CFAP54: variants seen among roughly 807,000 people sequenced by gnomAD.
CFAP54 encodes the protein cilia- and flagella-associated protein 54.
A neutral mutation model predicts 370.4 loss-of-function variants in CFAP54; 290 were observed. The ratio of observed to expected loss-of-function variants is 0.78; its 90% confidence interval spans 0.71 to 0.86. The LOEUF is 0.86. CFAP54 is among the 40% of genes least tolerant of loss of function. The pLI is 0.00. For synonymous variants in CFAP54, 1,206 were observed against 1,236.5 expected (o/e 0.98, Z 0.52); for missense variants, 3,399 against 3,528.7 (o/e 0.96, Z 0.93).
At chr12:96,867,222 T>G (rs187370452) in intron 67 of CFAP54, among the ~76,000 whole-genome samples, 1 of 152,202 alleles carries the variant, frequency 6.6e-6, no homozygotes, top group Non-Finnish European at 1.5e-5. Context: ...ATTTGTTCAT[T>G]TGATAGATCT....
Position 96,500,924 on chromosome 12 carries a change from C to A in CFAP54, c.408C>A (p.Ser136Arg). Residue 136 changes from serine to arginine, a missense_variant, in exon 2 of 68, where the codon AGC becomes AGA. Coordinates refer to ENST00000524981, the MANE Select transcript of CFAP54 (RefSeq NM_001306084.2). The stretch of plus-strand genomic sequence containing the variant: ...AAAAGCTTCTGAAGGTTGGAGATAG[C>A]CTTTGTCAAATGAAAGTAAGTGCCT... ...YNEKLLKVGD[S>R]LCQMKEYKLA... 3 of 1,533,784 alleles carry A rather than the reference C, an allele frequency of 2.0e-6. No individual in the cohort carries two copies. The highest frequency in any genetic ancestry group is 2.6e-6 in the Non-Finnish European group (3 of 1,145,332).
At chr12:96,597,105 C>T (rs1592871341) in intron 25 of CFAP54, among the ~76,000 whole-genome samples, 1 of 151,984 alleles carries the variant, frequency 6.6e-6, no homozygotes, top group East Asian at 1.9e-4. Flanking sequence ...TAAATTAAAT[C>T]TAATTTTAAG....
chr12:96,561,719 A>G (rs1955818517), intron 17 of CFAP54, among the ~76,000 whole-genome samples: 1 of 143,266 alleles, frequency 7.0e-6, no homozygotes, highest in South Asian at 2.2e-4. Flanking sequence ...ACACACACAC[A>G]CACACACACA....
chr12:96,688,079 C>CTGAGGTAGACTACATTAACATTGTTGT (rs1401604304), intron 42 of CFAP54, among the ~76,000 whole-genome samples: 20 of 152,284 alleles, frequency 1.3e-4, no homozygotes, highest in African/African-American at 4.3e-4. Context: ...TGAAGCTGAA[C>CTGAGGTAGACTACATTAACATTGTTGT]TGAGGTAGAC....
chr12:96,516,162 G>A (rs1955232987), intron 5 of CFAP54, among the ~76,000 whole-genome samples: 2 of 151,816 alleles, frequency 1.3e-5, no homozygotes, highest in Non-Finnish European at 2.9e-5. Flanking sequence ...TGATCCACCC[G>A]CCTCGGCCTC....
At chr12:96,590,344 C>T (rs1307176674) in intron 23 of CFAP54, among the ~76,000 whole-genome samples, 2 of 152,134 alleles carry the variant, frequency 1.3e-5, no homozygotes, top group Non-Finnish European at 2.9e-5. Context: ...GTCTTTACTG[C>T]CATTTTCCTT....
At chr12:96,839,181 G>A (rs1407463846) in intron 66 of CFAP54, among the ~76,000 whole-genome samples, 4 of 152,126 alleles carry the variant, frequency 2.6e-5, no homozygotes, top group Admixed American at 6.5e-5. Flanking sequence ...TATAATCTTA[G>A]GCAACTTGTT....
chr12:96,559,812 A>G (rs762711147), intron 17 of CFAP54, among the ~76,000 whole-genome samples: 9 of 152,120 alleles, frequency 5.9e-5, no homozygotes, highest in Non-Finnish European at 4.4e-5. Flanking sequence ...CTCTGAAGAA[A>G]GGTAACACTG....
Position 96,691,293 on chromosome 12 carries a change from G to T in CFAP54, c.6247G>T (p.Val2083Phe). 4 of 1,593,212 alleles carry T rather than the reference G, an allele frequency of 2.5e-6. No homozygotes were observed. The highest frequency in any genetic ancestry group is 3.4e-6 in the Non-Finnish European group (4 of 1,173,130). ...LYYIIRELHF[V>F]RQNLIVLPLL... ...TTACATTATACGTGAACTGCACTTT[G>T]TTAGGCAAAACCTAATAGTAAGTAA... The change falls in exon 44 of 68, where the codon GTT becomes TTT. Residue 2083 changes from valine (V) to phenylalanine (F), a missense_variant. Physicochemically the swap from Val to Phe is conservative, Grantham distance 50 (BLOSUM62 -1). Transcript: ENST00000524981.
At chr12:96,822,488 T>TGAG (rs1167121957) in intron 65 of CFAP54, among the ~76,000 whole-genome samples, 1 of 152,230 alleles carries the variant, frequency 6.6e-6, no homozygotes, top group East Asian at 1.9e-4. Context: ...AAATTCTTTT[T>TGAG]GAGGAACTAT....
At chr12:96,518,891 A>G (rs764959292) in intron 5 of CFAP54, 37 bp from the exon 6 acceptor site, 2 of 1,489,776 alleles carry the variant, frequency 1.3e-6, no homozygotes, top group South Asian at 2.5e-5. Context: ...ATTAACTTCA[A>G]ATGAAAACAA....
chr12:96,815,915 G>T (rs933989237), intron 64 of CFAP54, among the ~76,000 whole-genome samples: 2 of 152,112 alleles, frequency 1.3e-5, no homozygotes, highest in African/African-American at 4.8e-5. Flanking sequence ...TGTTCCATTG[G>T]TCTATGTACC....
At chr12:96,796,431 C>A (rs909021561) in intron 63 of CFAP54, among the ~76,000 whole-genome samples, 6 of 152,068 alleles carry the variant, frequency 3.9e-5, no homozygotes, top group African/African-American at 1.2e-4. Flanking sequence ...TTTGGAGTAC[C>A]TTTTTTTATT....
chr12:96,835,452 C>A (rs1237559612), intron 66 of CFAP54, among the ~76,000 whole-genome samples: 1 of 152,144 alleles, frequency 6.6e-6, no homozygotes. Context: ...CAACCCAGCC[C>A]CCAGCCTTCA....
chr12:96,545,114 T>C (rs1256315872), intron 14 of CFAP54, among the ~76,000 whole-genome samples: 2 of 152,096 alleles, frequency 1.3e-5, no homozygotes, highest in Non-Finnish European at 2.9e-5. Context: ...GGTTTCACCA[T>C]GTTGGCCAGG....
chr12:96,669,175 G>A (rs560753007), intron 39 of CFAP54, among the ~76,000 whole-genome samples: 3 of 152,196 alleles, frequency 2.0e-5, no homozygotes, highest in African/African-American at 7.2e-5. Context: ...AACAGCAAAG[G>A]AAAAGGCAAA....
chr12:96,664,717 ATATATATC>A (rs1351986780), intron 39 of CFAP54, among the ~76,000 whole-genome samples: 2 of 7,258 alleles, frequency 2.8e-4, no homozygotes, highest in African/African-American at 5.2e-4. Context: ...ATATATATCT[ATATATATC>A]TATATATATA....
At chr12:96,550,268 A>C (rs2136396626) in intron 15 of CFAP54, among the ~76,000 whole-genome samples, 2 of 152,162 alleles carry the variant, frequency 1.3e-5, no homozygotes, top group Middle Eastern at 3.4e-3. Context: ...GGGTCTTTGA[A>C]ATTTTTTGAT....
At chr12:96,668,928 T>G (rs576479349) in intron 39 of CFAP54, among the ~76,000 whole-genome samples, 7 of 152,352 alleles carry the variant, frequency 4.6e-5, no homozygotes, top group Admixed American at 1.3e-4. Flanking sequence ...AAACATTTAC[T>G]GAGTATCTGC....
Sources: gnomAD v4.1 joint callset for allele counts (sites outside exome capture counted in the v4.1 genomes callset) on GRCh38, gnomAD v4.1.1 for gene constraint, MANE v1.5 for transcripts, NCBI Gene and HGNC (gene_info 2026-07-23, HGNC 2026-07-21) for gene names.